Variants in ZFAT observed in about 807,000 individuals in gnomAD.
ZFAT encodes the protein zinc finger and AT-hook domain containing.
Under a neutral mutation model 117.7 loss-of-function variants are expected in ZFAT, and 64 were observed. The observed-to-expected ratio is 0.54, with a 90% CI of 0.44 to 0.67. ZFAT has a LOEUF of 0.67. Among genes scored for constraint, ZFAT ranks in the 30% least tolerant of loss-of-function variants. The pLI, the probability that ZFAT is intolerant of heterozygous loss-of-function variation, is 0.00. For synonymous variants in ZFAT, 679 were observed against 615.0 expected, an observed-to-expected ratio of 1.10 and a Z score of -1.54; for missense variants, 1,433 against 1,584.5, an observed-to-expected ratio of 0.90 and a Z score of 1.62.
chr8:134,592,465 T>C (rs1296420968), intron 7 of ZFAT, among the ~76,000 whole-genome samples: 2 of 152,218 alleles, frequency 1.3e-5, no homozygotes, highest in East Asian at 3.8e-4. Context: ...AATCTTGGTT[T>C]TGCCCCTTGT....
chr8:134,634,493 G>A (rs1013796022), intron 3 of ZFAT, among the ~76,000 whole-genome samples: 12 of 151,922 alleles, frequency 7.9e-5, no homozygotes, highest in African/African-American at 2.2e-4. Flanking sequence ...AGCTTTCTGG[G>A]CGCAATATTA....
chr8:134,489,881 C>T (rs190036472), intron 15 of ZFAT, among the ~76,000 whole-genome samples: 50 of 152,274 alleles, frequency 3.3e-4, no homozygotes, highest in Middle Eastern at 3.4e-3. Context: ...CCTGCTCCTC[C>T]CTCCTGTCCT....
intron 7 of ZFAT, among the ~76,000 whole-genome samples, chr8:134,591,045 G>A (rs1209692112): frequency 2.0e-5 from 3 of 152,196 alleles, no homozygotes; most frequent in African/African-American, 7.2e-5. Context: ...GTTCTGTGGA[G>A]GCAGGTGGTA....
chr8:134,478,049 T>G lies in ZFAT; in HGVS notation c.*433A>C, dbSNP rs1817001667. On this transcript the variant is annotated 3_prime_UTR_variant, in exon 16 of 16. Coordinates refer to ENST00000377838, the MANE Select transcript of ZFAT (RefSeq NM_020863.4). The surrounding 1 kb of genome is among the most constrained non-coding windows in gnomAD (Gnocchi z 5.2). ...ACCCGTACGGTCACTTTCTATGTGA[T>G]GGCTGTCTCCCTCTCACCAGACTGC... is the stretch of plus-strand genomic sequence containing the variant. The G allele has an allele frequency of 5.2e-6, 1 of 193,760 alleles. No individual in the cohort carries two copies. Among genetic ancestry groups the G allele is most frequent in the Non-Finnish European group, 1.1e-5 (1 of 92,380 alleles). 12.0% of individuals were successfully genotyped at this position (193,760 alleles called of 1,614,324 possible).
At chr8:134,654,300 CAA>C (rs543431999) in intron 2 of ZFAT, among the ~76,000 whole-genome samples, 1 of 140,190 alleles carries the variant, frequency 7.1e-6, no homozygotes, top group Non-Finnish European at 1.6e-5. Context: ...TTGTCAAAGT[CAA>C]AAAAAAAAAT....
At chr8:134,751,460 G>A in the ZFAT span, among the ~76,000 whole-genome samples, 2 of 152,226 alleles carry the variant, frequency 1.3e-5, no homozygotes, top group South Asian at 4.1e-4. Flanking sequence ...CAGAGACCCA[G>A]TCCAAAACTG....
chr8:134,794,325 AC>A, the ZFAT span: 2 of 152,238 alleles, frequency 1.3e-5, no homozygotes, highest in African/African-American at 4.8e-5. Context: ...TTTTATGAAC[AC>A]TGCTTCTTGC....
chr8:134,830,269 T>G, the ZFAT span, among the ~76,000 whole-genome samples: 1 of 152,208 alleles, frequency 6.6e-6, no homozygotes, highest in Non-Finnish European at 1.5e-5. Context: ...ACTACAGGAC[T>G]GTATACAGAC....
intron 1 of ZFAT, among the ~76,000 whole-genome samples, chr8:134,710,398 C>A (rs563872095): frequency 1.3e-5 from 2 of 152,346 alleles, no homozygotes; most frequent in South Asian, 2.1e-4. Context: ...CTGCAATAAA[C>A]CTCTGAAACC....
At chr8:134,525,438 C>G (rs903890551) in intron 12 of ZFAT, among the ~76,000 whole-genome samples, 1 of 152,146 alleles carries the variant, frequency 6.6e-6, no homozygotes, top group Non-Finnish European at 1.5e-5. Context: ...CATTAGGGTA[C>G]TCGGGAAGAA....
intron 1 of ZFAT, 121 bp downstream of exon 1, chr8:134,712,724 C>A: frequency 1.3e-6 from 1 of 749,404 alleles, no homozygotes; most frequent in Non-Finnish European, 1.9e-6. Flanking sequence ...CCTCCGCGGC[C>A]GGCGGCCGGC....
the ZFAT span, among the ~76,000 whole-genome samples, chr8:134,783,490 G>A: frequency 6.6e-6 from 1 of 152,158 alleles, no homozygotes. Context: ...CCTGTCCATG[G>A]AAAAACTGTC....
chr8:134,822,762 G>T, the ZFAT span, among the ~76,000 whole-genome samples: 2 of 151,978 alleles, frequency 1.3e-5, no homozygotes, highest in Non-Finnish European at 2.9e-5. Context: ...ATTTTCACAG[G>T]ATTTAATAGG....
At chr8:134,720,509 G>GA in the ZFAT span, among the ~76,000 whole-genome samples, 1 of 152,064 alleles carries the variant, frequency 6.6e-6, no homozygotes, top group East Asian at 1.9e-4. Context: ...GTTTACTGAA[G>GA]AAAAAAAGAG....
At chr8:134,583,761 C>A in intron 10 of ZFAT, 71 bp downstream of exon 10, 1 of 1,557,130 alleles carries the variant, frequency 6.4e-7, no homozygotes, top group Non-Finnish European at 8.7e-7. Context: ...CAGCAAGTTT[C>A]TGACAAACTG....
chr8:134,678,500 G>A (rs1274630969), intron 1 of ZFAT, among the ~76,000 whole-genome samples: 2 of 152,164 alleles, frequency 1.3e-5, no homozygotes, highest in African/African-American at 4.8e-5. Flanking sequence ...TGTGAAAATG[G>A]CCATACTGCC....
the ZFAT span, chr8:134,793,960 T>C: frequency 6.6e-6 from 1 of 152,210 alleles, no homozygotes; most frequent in Non-Finnish European, 1.5e-5. Flanking sequence ...AACATTCTCA[T>C]TTACATACAA....
intron 11 of ZFAT, among the ~76,000 whole-genome samples, chr8:134,564,458 G>A (rs1298190568): frequency 2.0e-5 from 3 of 152,160 alleles, no homozygotes; most frequent in Non-Finnish European, 4.4e-5. Flanking sequence ...CCTATATCAG[G>A]ACAGTTTGGG....
At chr8:134,717,493 T>C (rs1168656889), upstream of ZFAT, among the ~76,000 whole-genome samples, 1 of 102,512 alleles carries the variant, frequency 9.8e-6, no homozygotes, top group African/African-American at 4.3e-5. Context: ...TTTTTTTTTT[T>C]TTTTTTTTGA....
Sources: allele counts gnomAD v4.1 joint callset (sites outside exome capture counted in the v4.1 genomes callset), GRCh38; gene constraint gnomAD v4.1.1; non-coding constraint Gnocchi (gnomAD v3.1); transcripts MANE v1.5; gene names NCBI Gene and HGNC (gene_info 2026-07-23, HGNC 2026-07-21).